Variants in CYP27A1 observed in about 807,000 individuals in gnomAD.
The protein encoded by CYP27A1 is cytochrome P450 family 27 subfamily A member 1.
A neutral mutation model predicts 58.2 loss-of-function variants in CYP27A1; 46 were observed. The ratio of observed to expected loss-of-function variants is 0.79; its 90% confidence interval spans 0.62 to 1.01. The LOEUF (loss-of-function observed/expected upper bound fraction) is 1.01. Ranked by LOEUF, CYP27A1 falls within the 50% of genes least tolerant of loss-of-function variation. The probability of loss-of-function intolerance (pLI) is 0.00; values close to 1 mark genes in which losing one functional copy is unlikely to be tolerated. For missense variants in CYP27A1, 704 were observed against 687.0 expected, an observed-to-expected ratio of 1.02 and a Z score of -0.28; for synonymous variants, 274 against 285.1, an observed-to-expected ratio of 0.96 and a Z score of 0.39.
intron 1 of CYP27A1, among the ~76,000 whole-genome samples, chr2:218,804,393 T>C (rs914518730): frequency 1.3e-5 from 2 of 152,244 alleles, no homozygotes; most frequent in African/African-American, 4.8e-5. Context: ...TTGTATTCCA[T>C]TGGTCTATAT....
intron 1 of CYP27A1, among the ~76,000 whole-genome samples, chr2:218,783,482 A>G (rs1007961882): frequency 2.0e-5 from 3 of 152,200 alleles, no homozygotes; most frequent in Admixed American, 6.5e-5. Flanking sequence ...AAAGGGGTTC[A>G]TACAGGATCT....
intron 1 of CYP27A1, among the ~76,000 whole-genome samples, chr2:218,800,989 T>C (rs1943594309): frequency 6.6e-6 from 1 of 152,254 alleles, no homozygotes; most frequent in Non-Finnish European, 1.5e-5. Context: ...CCTGTTGGTA[T>C]ACTTTTAGAT....
intron 1 of CYP27A1, among the ~76,000 whole-genome samples, chr2:218,802,076 C>T (rs1179593599): frequency 6.6e-6 from 1 of 150,534 alleles, no homozygotes; most frequent in African/African-American, 2.5e-5. Context: ...AAATAATCAA[C>T]TAGTTGCTTT....
At chr2:218,793,707 G>A (rs1476809007) in intron 1 of CYP27A1, among the ~76,000 whole-genome samples, 1 of 148,580 alleles carries the variant, frequency 6.7e-6, no homozygotes, top group African/African-American at 2.5e-5. Context: ...TTTTCCCCAA[G>A]TTTCTCTTTC....
At chr2:218,811,588 T>C (rs1414162311) in intron 2 of CYP27A1, among the ~76,000 whole-genome samples, 1 of 152,132 alleles carries the variant, frequency 6.6e-6, no homozygotes, top group African/African-American at 2.4e-5. Flanking sequence ...GGCCTGACCA[T>C]CTACCGCATG....
chr2:218,801,919 G>A (rs1943603034), intron 1 of CYP27A1, among the ~76,000 whole-genome samples: 1 of 151,492 alleles, frequency 6.6e-6, no homozygotes, highest in South Asian at 2.1e-4. Context: ...GAGCAGGAAT[G>A]GAGCCTGCAT....
intron 1 of CYP27A1, among the ~76,000 whole-genome samples, chr2:218,788,090 G>C (rs1207888573): frequency 6.6e-6 from 1 of 152,262 alleles, no homozygotes; most frequent in African/African-American, 2.4e-5. Flanking sequence ...GGGCAAAATG[G>C]AGAGGATTGC....
Position 218,814,383 on chromosome 2 carries a change from C to T in CYP27A1, c.1188C>T (p.Leu396=), listed in dbSNP as rs1271161678. 6.2e-7 allele frequency: 1 copy of T among 1,614,184 alleles called. No individual in the cohort carries two copies. Among genetic ancestry groups the T allele is most frequent in the Admixed American group, 1.7e-5 (1 of 60,032 alleles). The change falls in exon 7 of 9, where the codon CTC becomes CTT. Residue 396 remains leucine, a synonymous_variant. Coordinates refer to ENST00000258415, the MANE Select transcript of CYP27A1 (RefSeq NM_000784.4). ...LKAVLKETLR[L]YPVVPTNSRI... ...CCAGACATTCTTTTCCCTGCAGTCT[C>T]TACCCTGTGGTCCCCACAAACTCCC... is the stretch of plus-strand genomic sequence containing the variant.
At chr2:218,805,755 C>T (rs922040153) in intron 1 of CYP27A1, among the ~76,000 whole-genome samples, 6 of 152,104 alleles carry the variant, frequency 3.9e-5, no homozygotes, top group Admixed American at 6.5e-5. Context: ...AGGACCCATC[C>T]GAGAATGCTG....
At chr2:218,790,695 C>A (rs1214750368) in intron 1 of CYP27A1, among the ~76,000 whole-genome samples, 1 of 151,438 alleles carries the variant, frequency 6.6e-6, no homozygotes, top group East Asian at 1.9e-4. Context: ...GGATAAATTT[C>A]TTTCTTTCTT....
chr2:218,787,387 T>G (rs1943450657), intron 1 of CYP27A1, among the ~76,000 whole-genome samples: 1 of 152,210 alleles, frequency 6.6e-6, no homozygotes, highest in Non-Finnish European at 1.5e-5. Flanking sequence ...CAGTTCTCAG[T>G]GTTTGAGGTT....
chr2:218,813,589 CT>C (rs34667217), intron 5 of CYP27A1, among the ~76,000 whole-genome samples: 45 of 151,454 alleles, frequency 3.0e-4, no homozygotes, highest in Non-Finnish European at 4.4e-4. Flanking sequence ...CCATGCCCAG[CT>C]TTTTTTTTCT....
At chr2:218,802,185 G>T (rs1943606372) in intron 1 of CYP27A1, among the ~76,000 whole-genome samples, 1 of 151,964 alleles carries the variant, frequency 6.6e-6, no homozygotes, top group African/African-American at 2.4e-5. Flanking sequence ...AGCCAATAGG[G>T]GAACGACACA....
chr2:218,797,940 C>A (rs1348753170), intron 1 of CYP27A1, among the ~76,000 whole-genome samples: 2 of 152,146 alleles, frequency 1.3e-5, no homozygotes, highest in African/African-American at 4.8e-5. Flanking sequence ...GAATTTTTAG[C>A]TTTTCTTATC....
At chr2:218,797,507 G>A (rs553448569) in intron 1 of CYP27A1, among the ~76,000 whole-genome samples, 3 of 152,204 alleles carry the variant, frequency 2.0e-5, no homozygotes, top group East Asian at 3.9e-4. Flanking sequence ...AAAGAAGATC[G>A]AACACCATTT....
At chr2:218,785,224 C>T (rs960735436) in intron 1 of CYP27A1, among the ~76,000 whole-genome samples, 1 of 152,020 alleles carries the variant, frequency 6.6e-6, no homozygotes, top group Non-Finnish European at 1.5e-5. Flanking sequence ...GGTTTGTGCT[C>T]CTATGAGAAT....
At chr2:218,808,057 A>G (rs566335536) in intron 1 of CYP27A1, among the ~76,000 whole-genome samples, 1 of 152,354 alleles carries the variant, frequency 6.6e-6, no homozygotes, top group East Asian at 1.9e-4. Context: ...ATCTTTCTGT[A>G]TTAGTACACA....
chr2:218,814,656 A>C lies in CYP27A1; in HGVS notation c.1375A>C (p.Arg459=), dbSNP rs755008787. 1.4e-5 allele frequency: 22 copies of C among 1,614,162 alleles called. No homozygotes were observed. Among genetic ancestry groups the C allele is most frequent in the Middle Eastern group, 1.6e-4 (1 of 6,062 alleles). The change falls in exon 8 of 9, where the codon AGG becomes CGG. Residue 459 remains arginine (R), a synonymous_variant. Transcript: ENST00000258415. ...WLRNSQPATP[R]IQHPFGSVPF... ...GAGAAACAGCCAGCCTGCTACCCCC[A>C]GGATCCAGCACCCATTTGGCTCTGT... is the stretch of plus-strand genomic sequence containing the variant.
intron 1 of CYP27A1, among the ~76,000 whole-genome samples, chr2:218,791,259 G>C (rs1432747883): frequency 6.6e-6 from 1 of 152,204 alleles, no homozygotes; most frequent in Non-Finnish European, 1.5e-5. Context: ...CATGATGTAG[G>C]TTAACAGGAG....
Sources: allele counts gnomAD v4.1 joint callset (sites outside exome capture counted in the v4.1 genomes callset), GRCh38; gene constraint gnomAD v4.1.1; transcripts MANE v1.5; gene names NCBI Gene and HGNC (gene_info 2026-07-23, HGNC 2026-07-21).